The following ACOT4 variants were observed in gnomAD, a reference collection of about 807,000 sequenced individuals.
ACOT4 encodes peroxisomal succinyl-coenzyme A thioesterase.
ACOT4 carries 18 observed loss-of-function variants against 17.1 expected under a neutral mutation model. The observed-to-expected ratio is 1.05, with a 90% CI of 0.73 to 1.56. The LOEUF (loss-of-function observed/expected upper bound fraction) is 1.56, where lower values mean the gene tolerates loss of function less well. Ranked by LOEUF, ACOT4 falls within the 40% of genes most tolerant of loss-of-function variation. ACOT4 has a pLI of 0.00. For synonymous variants in ACOT4, 234 were observed against 236.6 expected (o/e 0.99, Z 0.10); for missense variants, 574 against 557.2 (o/e 1.03, Z -0.30).
rs1169334229 is a variant in ACOT4 at position 73,592,004 on chromosome 14, G to T, written c.45G>T (p.Trp15Cys). The T allele has an allele frequency of 9.1e-6, 13 of 1,429,380 alleles. No homozygotes were observed. The highest frequency in any genetic ancestry group is 1.2e-5 in the Non-Finnish European group (13 of 1,094,268). 88.5% of individuals were successfully genotyped at this position (1,429,380 alleles called of 1,614,324 possible). ...TGGAGCCCCCAGGCCGCTGCTGCTG[G>T]AACGAGCCGGTGCGCATTGCCGTGC... is the stretch of plus-strand genomic sequence containing the variant. ...LILEPPGRCC[W>C]NEPVRIAVRG... The change falls in exon 1 of 3, where the codon TGG (tryptophan) becomes TGT (cysteine). Residue 15 changes from tryptophan (W) to cysteine (C), a missense_variant. Transcript: ENST00000326303.
intron 1 of ACOT4, among the ~76,000 whole-genome samples, chr14:73,592,812 C>G (rs976612159): frequency 2.0e-5 from 3 of 152,156 alleles, no homozygotes; most frequent in African/African-American, 7.2e-5. Flanking sequence ...GAGATCGCAC[C>G]ACTGCACTCC....
At position 73,594,706 on chromosome 14, in the gene ACOT4, T is replaced by TTATTTATC. The variant is rs922500490; in HGVS notation, c.661-341_661-334dup. On this transcript the variant is annotated intron_variant, in intron 2 of 2. Coordinates refer to ENST00000326303, the MANE Select transcript of ACOT4 (RefSeq NM_152331.4). The stretch of plus-strand genomic sequence containing the variant: ...TTTATTTATTTATTTATTTATTTAT[T>TTATTTATC]TATTTATCTTTTGAGACGGAGTCTC... Among the ~76,000 whole-genome samples, 950 of 150,934 alleles carry TTATTTATC rather than the reference T, an allele frequency of 6.3e-3. 12 individuals carry two copies. Among genetic ancestry groups the TTATTTATC allele is most frequent in the African/African-American group, 0.021 (876 of 41,246 alleles).
chr14:73,595,535 A>G lies in ACOT4; in HGVS notation c.1147A>G (p.Ile383Val), dbSNP rs745754725. ...TCACAGATTACTGAACAAACATGTTATATGGGGTGGGGAGCCCAGGGCTCA... is the reference window on the plus strand; with the variant it reads ...TCACAGATTACTGAACAAACATGTTGTATGGGGTGGGGAGCCCAGGGCTCA... ...SLHRLLNKHV[I>V]WGGEPRAHSK... The change falls in exon 3 of 3, where the codon ATA becomes GTA. Residue 383 changes from isoleucine (I) to valine (V), a missense_variant. By Grantham distance (29) the Ile-to-Val change is conservative. Coordinates refer to ENST00000326303, the MANE Select transcript of ACOT4 (RefSeq NM_152331.4). 1.8e-5 allele frequency: 29 copies of G among 1,610,882 alleles called. No individual in the cohort carries two copies. Among genetic ancestry groups the G allele is most frequent in the Non-Finnish European group, 2.2e-5 (26 of 1,177,444 alleles).
chr14:73,594,051 C>G (rs1395649664), intron 2 of ACOT4, 147 bp downstream of exon 2: 1 of 559,072 alleles, frequency 1.8e-6, no homozygotes, highest in East Asian at 3.0e-5. Flanking sequence ...GCTATTTCCA[C>G]TTTTTCTGTC....
At chr14:73,594,139 T>C (rs1890204733) in intron 2 of ACOT4, among the ~76,000 whole-genome samples, 1 of 152,228 alleles carries the variant, frequency 6.6e-6, no homozygotes, top group Non-Finnish European at 1.5e-5. Context: ...TATCTGTATA[T>C]TGCAAATTGA....
chr14:73,592,413 C>A lies in ACOT4; in HGVS notation c.454C>A (p.Pro152Thr). Residue 152 changes from proline to threonine, a missense_variant, in exon 1 of 3, where the codon CCA becomes ACA. Transcript: ENST00000326303. ...GGTGCGCGCCACGCTCTTCCTGCCG[C>A]CAGGTGAGCCAGGCTGCTGGCGGGT... ...GRVRATLFLP[P>T]GPGPFPGIID... The A allele has an allele frequency of 6.6e-7, 1 of 1,515,652 alleles. No individual in the cohort carries two copies. Among genetic ancestry groups the A allele is most frequent in the Non-Finnish European group, 8.8e-7 (1 of 1,138,528 alleles). The allele number at this position is 1,515,652 out of a possible 1,614,324, so 93.9% of individuals were successfully genotyped here.
At chr14:73,592,554 C>T (rs1890173039) in intron 1 of ACOT4, 138 bp downstream of exon 1, 2 of 1,101,276 alleles carry the variant, frequency 1.8e-6, no homozygotes, top group Admixed American at 3.0e-5. Context: ...GCCACTCTAC[C>T]AAAATAGAGG....
Position 73,592,349 on chromosome 14 carries a change from C to T in ACOT4, c.390C>T (p.Leu130=). The T allele has an allele frequency of 6.3e-7, 1 of 1,595,910 alleles. No individual in the cohort carries two copies. The change falls in exon 1 of 3, where the codon CTC becomes CTT. Residue 130 remains leucine (L), a synonymous_variant. Transcript: ENST00000326303. ...AGGCGCAGCACGAGCGCCACTTCCT[C>T]CCGCCAGGGGTGCGGCGCCAGTCGG... The part of the protein sequence containing the change: ...LCQAQHERHF[L]PPGVRRQSVR...
Position 73,595,350 on chromosome 14 carries a change from T to C in ACOT4, c.962T>C (p.Ile321Thr). 2 of 1,614,234 alleles carry C rather than the reference T, an allele frequency of 1.2e-6. No individual in the cohort carries two copies. Among genetic ancestry groups the C allele is most frequent in the Non-Finnish European group, 1.7e-6 (2 of 1,180,032 alleles). The change falls in exon 3 of 3, where the codon ATT (isoleucine) becomes ACT (threonine). Residue 321 changes from isoleucine (I) to threonine (T), a missense_variant. Coordinates refer to ENST00000326303, the MANE Select transcript of ACOT4 (RefSeq NM_152331.4). Reference sequence around the variant, plus strand: ...AAGGCCCAGGGGCCCATCCTGCTCATTGTTGGTCAGGATGACCATAACTGG... The same window carrying C: ...AAGGCCCAGGGGCCCATCCTGCTCACTGTTGGTCAGGATGACCATAACTGG... ...IEKAQGPILL[I>T]VGQDDHNWRS...
chr14:73,595,074 T>A lies in ACOT4; in HGVS notation c.686T>A (p.Leu229Ter). 2 of 1,614,058 alleles carry A rather than the reference T, an allele frequency of 1.2e-6. No individual in the cohort carries two copies. Among genetic ancestry groups the A allele is most frequent in the Non-Finnish European group, 1.7e-6 (2 of 1,180,020 alleles). ...PQVKGPGIGL[L>*]GISLGADICL... ...GTAAAAGGCCCAGGCATTGGGCTTT[T>A]GGGCATTTCTCTAGGAGCTGATATT... Residue 229 changes from leucine (L) to a stop codon, truncating the protein, a stop_gained, in exon 3 of 3, where the codon TTG becomes TAG. Coordinates refer to ENST00000326303, the MANE Select transcript of ACOT4 (RefSeq NM_152331.4). LOFTEE classifies it low-confidence loss of function (END_TRUNC).
chr14:73,591,915 C>T lies in ACOT4; in HGVS notation c.-45C>T, dbSNP rs1209117728. 6 of 1,343,812 alleles carry T rather than the reference C, an allele frequency of 4.5e-6. No homozygotes were observed. Among genetic ancestry groups the T allele is most frequent in the African/African-American group, 3.1e-5 (2 of 64,806 alleles). The allele number at this position is 1,343,812 out of a possible 1,614,324, so 83.2% of individuals were successfully genotyped here. A position where few individuals can be genotyped will look rare whatever the true frequency, so the allele number is the denominator to read the frequency against. On this transcript the variant is annotated 5_prime_UTR_variant, in exon 1 of 3. In the 5' UTR this introduces an upstream ATG that the reference lacks. Coordinates refer to ENST00000326303, the MANE Select transcript of ACOT4 (RefSeq NM_152331.4). ...TCGGCGCGCTTGCCACGATCTTGGA[C>T]GGGTCTCGGGCCTCGACCTTTGAAT...
rs1344785194 is a variant in ACOT4 at position 73,595,479 on chromosome 14, C to A, written c.1091C>A (p.Pro364His). ...CYPGTGHYIE[P>H]PYFPLCPASL... ...CCTGGGACTGGGCATTACATCGAGC[C>A]TCCTTACTTCCCCCTGTGCCCAGCT... The change falls in exon 3 of 3, where the codon CCT becomes CAT. Residue 364 changes from proline (P) to histidine (H), a missense_variant. Physicochemically the swap from Pro to His is moderately conservative, Grantham distance 77 (BLOSUM62 -2). Coordinates refer to ENST00000326303, the MANE Select transcript of ACOT4 (RefSeq NM_152331.4). 6.2e-7 allele frequency: 1 copy of A among 1,614,006 alleles called. No homozygotes were observed. The highest frequency in any genetic ancestry group is 1.3e-5 in the African/African-American group (1 of 74,938).
Position 73,592,283 on chromosome 14 carries a change from G to A in ACOT4, c.324G>A (p.Val108=). ...VQIPFVVELE[V]LDGHDPEPGR... ...TTCCTTTTGTCGTGGAGTTGGAGGT[G>A]CTGGACGGCCACGACCCCGAGCCTG... is the stretch of plus-strand genomic sequence containing the variant. The change falls in exon 1 of 3, where the codon GTG becomes GTA. Residue 108 remains valine, a synonymous_variant. Transcript: ENST00000326303. 1 of 1,612,390 alleles carries A rather than the reference G, an allele frequency of 6.2e-7. No individual in the cohort carries two copies. Among genetic ancestry groups the A allele is most frequent in the African/African-American group, 1.3e-5 (1 of 74,978 alleles).
chr14:73,593,303 G>C (rs1890185090), intron 1 of ACOT4, among the ~76,000 whole-genome samples: 1 of 145,750 alleles, frequency 6.9e-6, no homozygotes, highest in Non-Finnish European at 1.5e-5. Flanking sequence ...AGAACATAAA[G>C]TTTTGTTTCA....
chr14:73,592,441 T>C (rs755937013), intron 1 of ACOT4, 25 bp downstream of exon 1: 1 of 1,482,592 alleles, frequency 6.7e-7, no homozygotes, highest in Non-Finnish European at 8.9e-7. Context: ...TGGCGGGTGG[T>C]GTGAGCGTCA....
rs774433752 is a variant in ACOT4, at chr14:73,592,366, G to A, written c.407G>A (p.Arg136His). ...ERHFLPPGVR[R>H]QSVRAGRVRA... ...CACTTCCTCCCGCCAGGGGTGCGGC[G>A]CCAGTCGGTGCGAGCGGGCCGGGTG... The change falls in exon 1 of 3, where the codon CGC becomes CAC. Residue 136 changes from arginine to histidine, a missense_variant. Arg to His is a conservative substitution (Grantham distance 29, BLOSUM62 0). Coordinates refer to ENST00000326303, the MANE Select transcript of ACOT4 (RefSeq NM_152331.4). The A allele has an allele frequency of 1.3e-5, 21 of 1,578,094 alleles. No individual in the cohort carries two copies. The South Asian group carries it at 1.8e-4, about 14-fold the overall frequency.
chr14:73,593,550 C>T lies in ACOT4; in HGVS notation c.458-152C>T, dbSNP rs1890191596. On this transcript the variant is annotated intron_variant, in intron 1 of 2. Coordinates refer to ENST00000326303, the MANE Select transcript of ACOT4 (RefSeq NM_152331.4). ...TAGAGATGGGGTCTCACTACATTGT[C>T]CAGGCTGGTCTTGAACTCCTGGCCT... The T allele has an allele frequency of 1.1e-5, 7 of 619,736 alleles. No homozygotes were observed. In the Admixed American group the frequency reaches 2.1e-4, roughly 18 times the overall value. 38.4% of individuals were successfully genotyped at this position (619,736 alleles called of 1,614,324 possible).
Position 73,593,835 on chromosome 14 carries a change from C to G in ACOT4, c.591C>G (p.Pro197=). The change falls in exon 2 of 3, where the codon CCC becomes CCG. Residue 197 remains proline, a synonymous_variant. Coordinates refer to ENST00000326303, the MANE Select transcript of ACOT4 (RefSeq NM_152331.4). ...ALAYYNFEDL[P]NNMDNISLEY... Reference sequence around the variant, plus strand: ...CTTATTATAACTTTGAAGATCTCCCCAATAACATGGACAACATATCCCTGG... The same window carrying G: ...CTTATTATAACTTTGAAGATCTCCCGAATAACATGGACAACATATCCCTGG... 6.2e-7 allele frequency: 1 copy of G among 1,614,052 alleles called. No individual in the cohort carries two copies. The highest frequency in any genetic ancestry group is 8.5e-7 in the Non-Finnish European group (1 of 1,179,960).
chr14:73,593,506 T>G (rs1890190785), intron 1 of ACOT4, among the ~76,000 whole-genome samples, 196 bp from the exon 2 acceptor site: 1 of 139,918 alleles, frequency 7.1e-6, no homozygotes, highest in African/African-American at 2.6e-5. Context: ...ACTGACTAAT[T>G]AAAAAAAAAA....
Sources: gnomAD v4.1 joint callset for allele counts (sites outside exome capture counted in the v4.1 genomes callset) on GRCh38, gnomAD v4.1.1 for gene constraint, MANE v1.5 for transcripts, NCBI Gene and HGNC (gene_info 2026-07-23, HGNC 2026-07-21) for gene names.